CSNK2A2IP: variants seen among roughly 807,000 people sequenced by gnomAD.
CSNK2A2IP encodes the protein casein kinase II subunit alpha'-interacting protein.
At chr3:88,415,583 G>A in the CSNK2A2IP span, among the ~76,000 whole-genome samples, 1 of 149,570 alleles carries the variant, frequency 6.7e-6, no homozygotes, top group African/African-American at 2.5e-5. Context: ...ATTGTTAAAT[G>A]AAACTATAAG....
chr3:88,437,542 C>T, the CSNK2A2IP span, among the ~76,000 whole-genome samples: 71 of 152,276 alleles, frequency 4.7e-4, no homozygotes, highest in African/African-American at 1.7e-3. Flanking sequence ...TATTCTTAAA[C>T]ACTTTTAATC....
chr3:88,423,991 C>T, the CSNK2A2IP span, among the ~76,000 whole-genome samples: 29 of 152,268 alleles, frequency 1.9e-4, no homozygotes, highest in African/African-American at 7.0e-4. Flanking sequence ...CTACACAAAC[C>T]TGGCTCCTGT....
chr3:88,426,605 T>C, the CSNK2A2IP span, among the ~76,000 whole-genome samples: 2 of 152,138 alleles, frequency 1.3e-5, no homozygotes, highest in Non-Finnish European at 2.9e-5. Flanking sequence ...GGGGGGCAAT[T>C]ACCCTTATGT....
the CSNK2A2IP span, among the ~76,000 whole-genome samples, chr3:88,375,917 C>T: frequency 3.3e-5 from 5 of 151,684 alleles, no homozygotes; most frequent in East Asian, 5.8e-4. Flanking sequence ...TTGTGTCATC[C>T]CCATTAGTTG....
the CSNK2A2IP span, among the ~76,000 whole-genome samples, chr3:88,434,035 A>G: frequency 2.6e-5 from 4 of 152,136 alleles, no homozygotes; most frequent in Non-Finnish European, 5.9e-5. Context: ...TTGTTATTTC[A>G]AGCCAAAAAT....
At chr3:88,359,911 C>T in the CSNK2A2IP span, among the ~76,000 whole-genome samples, 1 of 151,924 alleles carries the variant, frequency 6.6e-6, no homozygotes, top group African/African-American at 2.4e-5. Flanking sequence ...AAGTCTGTTT[C>T]TTTGTTGATT....
chr3:88,458,316 A>G, the CSNK2A2IP span, among the ~76,000 whole-genome samples: 5 of 151,838 alleles, frequency 3.3e-5, no homozygotes, highest in African/African-American at 1.2e-4. Flanking sequence ...ACGCCTGGCT[A>G]ATTTTTGTGT....
chr3:88,345,110 T>G, the CSNK2A2IP span, among the ~76,000 whole-genome samples: 107 of 152,094 alleles, frequency 7.0e-4, no homozygotes, highest in Middle Eastern at 3.4e-3. Context: ...CTTCCCAGTC[T>G]CTGCAAATAT....
At chr3:88,376,923 A>G in the CSNK2A2IP span, among the ~76,000 whole-genome samples, 1 of 151,710 alleles carries the variant, frequency 6.6e-6, no homozygotes, top group African/African-American at 2.4e-5. Context: ...ACTCTTTTGT[A>G]AGTTGGTTTC....
At chr3:88,438,183 A>G in the CSNK2A2IP span, among the ~76,000 whole-genome samples, 25 of 152,190 alleles carry the variant, frequency 1.6e-4, no homozygotes, top group Non-Finnish European at 3.1e-4. Context: ...TGAAATGTTT[A>G]CTAGTTTCCT....
the CSNK2A2IP span, among the ~76,000 whole-genome samples, chr3:88,372,602 C>A: frequency 6.6e-6 from 1 of 151,026 alleles, no homozygotes; most frequent in Non-Finnish European, 1.5e-5. Flanking sequence ...TGATGAATAG[C>A]AAAATGGCAG....
the CSNK2A2IP span, among the ~76,000 whole-genome samples, chr3:88,458,265 C>A: frequency 2.7e-5 from 4 of 150,562 alleles, no homozygotes; most frequent in Non-Finnish European, 4.4e-5. Flanking sequence ...ATTCTCCTGC[C>A]TCAGGCATCT....
chr3:88,388,897 CA>C, the CSNK2A2IP span, among the ~76,000 whole-genome samples: 21 of 151,868 alleles, frequency 1.4e-4, no homozygotes, highest in Non-Finnish European at 2.6e-4. Flanking sequence ...ATAATAGCAC[CA>C]ATTGACTCAT....
the CSNK2A2IP span, among the ~76,000 whole-genome samples, chr3:88,349,331 T>C: frequency 6.6e-6 from 1 of 152,032 alleles, no homozygotes; most frequent in Non-Finnish European, 1.5e-5. Flanking sequence ...TATTGCTCTG[T>C]ATGTCTTTGT....
chr3:88,373,748 C>G, the CSNK2A2IP span, among the ~76,000 whole-genome samples: 4 of 150,784 alleles, frequency 2.7e-5, no homozygotes, highest in African/African-American at 9.7e-5. Context: ...GATAACTTGA[C>G]AGAGCAAGCA....
the CSNK2A2IP span, among the ~76,000 whole-genome samples, chr3:88,357,103 C>G: frequency 6.6e-6 from 1 of 151,914 alleles, no homozygotes; most frequent in Non-Finnish European, 1.5e-5. Flanking sequence ...TGTGCAAAAT[C>G]TTTTTAGCTT....
At chr3:88,421,216 T>A in the CSNK2A2IP span, among the ~76,000 whole-genome samples, 1 of 152,136 alleles carries the variant, frequency 6.6e-6, no homozygotes, top group Admixed American at 6.5e-5. Flanking sequence ...GGCACTTTTA[T>A]GATTTATGAT....
chr3:88,376,375 G>A, the CSNK2A2IP span, among the ~76,000 whole-genome samples: 1 of 151,488 alleles, frequency 6.6e-6, no homozygotes, highest in African/African-American at 2.4e-5. Context: ...TTTTGAGTGA[G>A]GTGAATGAAT....
At chr3:88,407,377 A>T in the CSNK2A2IP span, among the ~76,000 whole-genome samples, 1 of 151,704 alleles carries the variant, frequency 6.6e-6, no homozygotes, top group East Asian at 1.9e-4. Context: ...TAAATGTGTG[A>T]ATATGTTTTT....
Sources: allele counts gnomAD v4.1 joint callset (sites outside exome capture counted in the v4.1 genomes callset), GRCh38; gene constraint gnomAD v4.1.1; transcripts MANE v1.5; gene names NCBI Gene and HGNC (gene_info 2026-07-23, HGNC 2026-07-21).